Variants in HIBADH observed in about 807,000 individuals in gnomAD.
HIBADH encodes 3-hydroxyisobutyrate dehydrogenase, mitochondrial.
In HIBADH, 25 loss-of-function variants were observed where a neutral mutation model predicts 36.1. That is an observed-to-expected ratio of 0.69 (90% CI 0.50 to 0.97). The LOEUF (loss-of-function observed/expected upper bound fraction) is 0.97. HIBADH is among the 50% of genes least tolerant of loss of function. HIBADH has a pLI of 0.00. For missense variants in HIBADH, 421 were observed against 418.0 expected, an observed-to-expected ratio of 1.01 and a Z score of -0.06; for synonymous variants, 160 against 149.5, an observed-to-expected ratio of 1.07 and a Z score of -0.51.
At chr7:27,624,437 T>A (rs532439087) in intron 4 of HIBADH, among the ~76,000 whole-genome samples, 1 of 152,348 alleles carries the variant, frequency 6.6e-6, no homozygotes, top group East Asian at 1.9e-4. Flanking sequence ...ACAAGCAACA[T>A]TAAATACTTC....
chr7:27,657,314 C>T (rs953405618), intron 1 of HIBADH, among the ~76,000 whole-genome samples: 1 of 151,976 alleles, frequency 6.6e-6, no homozygotes, highest in Non-Finnish European at 1.5e-5. Flanking sequence ...ACAGACAAAC[C>T]TAGAGAGAGA....
At chr7:27,601,401 G>C (rs930152400) in intron 4 of HIBADH, among the ~76,000 whole-genome samples, 1 of 152,002 alleles carries the variant, frequency 6.6e-6, no homozygotes, top group Non-Finnish European at 1.5e-5. Context: ...GCACTGAATA[G>C]TGTATTTTAT....
chr7:27,540,798 G>C (rs1450728455), intron 5 of HIBADH, among the ~76,000 whole-genome samples: 1 of 152,088 alleles, frequency 6.6e-6, no homozygotes, highest in East Asian at 1.9e-4. Flanking sequence ...TGTTATTCTG[G>C]GTGGCCAGGG....
intron 4 of HIBADH, among the ~76,000 whole-genome samples, chr7:27,609,148 T>C (rs1785282107): frequency 6.6e-6 from 1 of 152,234 alleles, no homozygotes; most frequent in Non-Finnish European, 1.5e-5. Flanking sequence ...TAAAAAATAC[T>C]GTAAAAGTGA....
chr7:27,634,094 A>G (rs1785795095), intron 2 of HIBADH, among the ~76,000 whole-genome samples: 1 of 152,222 alleles, frequency 6.6e-6, no homozygotes, highest in Non-Finnish European at 1.5e-5. Flanking sequence ...CTTTAACAAA[A>G]AGCAGTTTCA....
chr7:27,628,325 C>T (rs1343830440), intron 4 of HIBADH, among the ~76,000 whole-genome samples: 7 of 151,940 alleles, frequency 4.6e-5, no homozygotes, highest in Admixed American at 1.3e-4. Flanking sequence ...TAAAAAAATA[C>T]GAAATGATTT....
At chr7:27,546,087 T>C (rs1359240835) in intron 4 of HIBADH, among the ~76,000 whole-genome samples, 5 of 152,154 alleles carry the variant, frequency 3.3e-5, no homozygotes, top group Non-Finnish European at 7.4e-5. Flanking sequence ...TGTGAATGTA[T>C]GCTGTAAAAT....
intron 1 of HIBADH, among the ~76,000 whole-genome samples, chr7:27,655,893 CAT>C (rs1786292751): frequency 6.6e-6 from 1 of 152,074 alleles, no homozygotes; most frequent in South Asian, 2.1e-4. Context: ...CTGATGAAAA[CAT>C]ATGCTCTCAT....
intron 6 of HIBADH, among the ~76,000 whole-genome samples, chr7:27,534,728 C>A (rs968548523): frequency 6.6e-6 from 1 of 151,964 alleles, no homozygotes; most frequent in Non-Finnish European, 1.5e-5. Flanking sequence ...TATGTAATGC[C>A]AGCTAGTGAG....
At chr7:27,564,821 G>GT (rs1430705866) in intron 4 of HIBADH, among the ~76,000 whole-genome samples, 1 of 152,082 alleles carries the variant, frequency 6.6e-6, no homozygotes, top group Non-Finnish European at 1.5e-5. Context: ...AACTTTTGTA[G>GT]TTTTCACATG....
intron 4 of HIBADH, among the ~76,000 whole-genome samples, chr7:27,569,240 T>G (rs1224369101): frequency 6.6e-6 from 1 of 152,198 alleles, no homozygotes; most frequent in Non-Finnish European, 1.5e-5. Flanking sequence ...TATTATTTCT[T>G]AAAGCATGGT....
chr7:27,623,998 T>C (rs1785593906), intron 4 of HIBADH, among the ~76,000 whole-genome samples: 2 of 152,124 alleles, frequency 1.3e-5, no homozygotes, highest in South Asian at 2.1e-4. Flanking sequence ...AGGTTTCACA[T>C]TGTTGCCCAG....
intron 6 of HIBADH, among the ~76,000 whole-genome samples, chr7:27,536,130 C>T (rs1784066911): frequency 6.6e-6 from 1 of 152,096 alleles, no homozygotes; most frequent in Non-Finnish European, 1.5e-5. Context: ...TAAATCGTGG[C>T]CGTTCTCTAT....
intron 5 of HIBADH, among the ~76,000 whole-genome samples, chr7:27,540,778 G>T (rs1178554884): frequency 6.6e-6 from 1 of 152,154 alleles, no homozygotes; most frequent in Non-Finnish European, 1.5e-5. Flanking sequence ...CACCTTCAGT[G>T]TTGAACTCAT....
chr7:27,601,268 G>A (rs1391438213), intron 4 of HIBADH, among the ~76,000 whole-genome samples: 1 of 151,988 alleles, frequency 6.6e-6, no homozygotes, highest in South Asian at 2.1e-4. Context: ...GATTTCTTTT[G>A]ATGAAACTAC....
intron 5 of HIBADH, 138 bp downstream of exon 5, chr7:27,542,829 T>C (rs534451304): frequency 3.0e-6 from 3 of 1,004,294 alleles, no homozygotes; most frequent in Non-Finnish European, 2.9e-6. Context: ...AACTAATTTA[T>C]TCCAAATAAA....
chr7:27,639,777 A>C (rs1477650917), intron 2 of HIBADH, among the ~76,000 whole-genome samples: 1 of 152,228 alleles, frequency 6.6e-6, no homozygotes, highest in Non-Finnish European at 1.5e-5. Context: ...ATATTTTATG[A>C]AAATGACCAC....
intron 4 of HIBADH, among the ~76,000 whole-genome samples, chr7:27,589,528 G>T (rs1784910682): frequency 6.6e-6 from 1 of 152,114 alleles, no homozygotes; most frequent in Non-Finnish European, 1.5e-5. Context: ...ATCAACCCTT[G>T]AGGTATGTGT....
intron 4 of HIBADH, among the ~76,000 whole-genome samples, chr7:27,564,800 C>T (rs996662216): frequency 3.3e-5 from 5 of 152,170 alleles, no homozygotes; most frequent in African/African-American, 1.2e-4. Context: ...TCTTCTTTAA[C>T]TTCTTTCATC....
Sources: gnomAD v4.1 joint callset for allele counts (sites outside exome capture counted in the v4.1 genomes callset) on GRCh38, gnomAD v4.1.1 for gene constraint, MANE v1.5 for transcripts, NCBI Gene and HGNC (gene_info 2026-07-23, HGNC 2026-07-21) for gene names.